TASP1: variants seen among roughly 807,000 people sequenced by gnomAD.
TASP1 encodes threonine aspartase 1.
Under a neutral mutation model 56.6 loss-of-function variants are expected in TASP1, and 16 were observed. The ratio of observed to expected loss-of-function variants is 0.28; its 90% CI spans 0.19 to 0.43. TASP1 has a LOEUF of 0.43. Among genes scored for constraint, TASP1 ranks in the 20% least tolerant of loss-of-function variants. The pLI, the probability that TASP1 is intolerant of heterozygous loss-of-function variation, is 1.00. For missense variants in TASP1, 393 were observed against 511.6 expected, an observed-to-expected ratio of 0.77 and a Z score of 2.24; for synonymous variants, 179 against 184.2, an observed-to-expected ratio of 0.97 and a Z score of 0.23.
intron 11 of TASP1, among the ~76,000 whole-genome samples, chr20:13,449,338 G>T (rs1425003291): frequency 6.6e-6 from 1 of 152,056 alleles, no homozygotes; most frequent in African/African-American, 2.4e-5. Flanking sequence ...AGTTATTGTT[G>T]CTCATTGTGT....
the TASP1 span, among the ~76,000 whole-genome samples, chr20:13,218,016 G>A: frequency 9.2e-5 from 14 of 152,192 alleles, no homozygotes; most frequent in Middle Eastern, 3.4e-3. Context: ...TTGGGAGGCC[G>A]AAGCGGGTGG....
intron 11 of TASP1, among the ~76,000 whole-genome samples, chr20:13,451,498 A>C (rs896593695): frequency 6.6e-6 from 1 of 152,028 alleles, no homozygotes; most frequent in African/African-American, 2.4e-5. Flanking sequence ...CTCCATAAGG[A>C]CTTGTTGCTT....
the TASP1 span, among the ~76,000 whole-genome samples, chr20:13,160,434 TCTAAAATGCTGTTTTAGA>T: frequency 6.6e-6 from 1 of 152,166 alleles, no homozygotes; most frequent in Admixed American, 6.5e-5. Flanking sequence ...CAAAAGCTGG[TCTAAAATGCTGTTTTAGA>T]CTTAATTACA....
chr20:13,635,320 A>G (rs2049263305), intron 1 of TASP1, among the ~76,000 whole-genome samples: 1 of 151,914 alleles, frequency 6.6e-6, no homozygotes, highest in South Asian at 2.1e-4. Flanking sequence ...GCAACACACA[A>G]ATCTACTACC....
chr20:13,473,606 G>A (rs1285855972), intron 11 of TASP1, among the ~76,000 whole-genome samples: 1 of 151,960 alleles, frequency 6.6e-6, no homozygotes, highest in African/African-American at 2.4e-5. Context: ...CCATTCTCTT[G>A]ACTATATTCT....
the TASP1 span, among the ~76,000 whole-genome samples, chr20:13,282,467 G>A: frequency 6.6e-6 from 1 of 152,154 alleles, no homozygotes; most frequent in African/African-American, 2.4e-5. Flanking sequence ...CTGAATTTAT[G>A]AGCATTAAGA....
rs2043808513 is a variant in TASP1 at position 13,498,331 on chromosome 20, T to TGTGTGTG, written c.875-14995_875-14994insCACACAC. On this transcript the variant is annotated intron_variant, in intron 10 of 13. Coordinates refer to ENST00000337743, the MANE Select transcript of TASP1 (RefSeq NM_017714.3). ...ATGAACAAACACTTTTTCTTTTCTTTTGTGTGTGTGTGTGTGTGTGTGTGT... is the reference window on the plus strand; with the variant it reads ...ATGAACAAACACTTTTTCTTTTCTTTGTGTGTGTGTGTGTGTGTGTGTGTGTGTGTGT... Among the ~76,000 whole-genome samples, 980 of 135,108 alleles carry TGTGTGTG rather than the reference T, an allele frequency of 7.3e-3. 7 individuals carry two copies. Among genetic ancestry groups the TGTGTGTG allele is most frequent in the Non-Finnish European group, 0.011 (704 of 64,072 alleles). 88.6% of individuals were successfully genotyped at this position (135,108 alleles called of 152,430 possible). A position where few individuals can be genotyped will look rare whatever the true frequency, so the allele number is the denominator to read the frequency against.
chr20:13,487,822 A>T (rs1052528149), intron 10 of TASP1, among the ~76,000 whole-genome samples: 1 of 152,196 alleles, frequency 6.6e-6, no homozygotes, highest in Non-Finnish European at 1.5e-5. Context: ...CCAAATAGTA[A>T]ATATTTTAGG....
chr20:13,396,897 T>C (rs1476474062), intron 13 of TASP1, among the ~76,000 whole-genome samples: 1 of 152,196 alleles, frequency 6.6e-6, no homozygotes. Flanking sequence ...CACATACAAA[T>C]ATCATGTCTA....
At chr20:13,107,123 G>A in the TASP1 span, among the ~76,000 whole-genome samples, 1 of 152,160 alleles carries the variant, frequency 6.6e-6, no homozygotes, top group Non-Finnish European at 1.5e-5. Context: ...TGCGTTATGG[G>A]TTCCAGACCC....
the TASP1 span, among the ~76,000 whole-genome samples, chr20:13,156,345 C>A: frequency 6.6e-6 from 1 of 152,060 alleles, no homozygotes; most frequent in Non-Finnish European, 1.5e-5. Context: ...GAGAAGAGTC[C>A]GTAAGTAGTG....
intron 5 of TASP1, among the ~76,000 whole-genome samples, chr20:13,586,328 T>G (rs1191251709): frequency 6.6e-6 from 1 of 152,122 alleles, no homozygotes; most frequent in East Asian, 1.9e-4. Context: ...GTATATCCAT[T>G]CAATGAAATA....
intron 11 of TASP1, among the ~76,000 whole-genome samples, chr20:13,471,707 C>T (rs995518765): frequency 6.6e-6 from 1 of 152,124 alleles, no homozygotes; most frequent in Non-Finnish European, 1.5e-5. Context: ...AGCTCCGTTC[C>T]AAGATGGCCA....
rs180941650 is a variant in TASP1 at position 13,472,039 on chromosome 20, T to A, written c.985+11188A>T. Among the ~76,000 whole-genome samples the A allele has an allele frequency of 2.0e-5, 3 of 151,780 alleles. No individual in the cohort carries two copies. The East Asian group carries it at 5.8e-4, about 29-fold the overall frequency. On this transcript the variant is annotated intron_variant, in intron 11 of 13. Coordinates refer to ENST00000337743, the MANE Select transcript of TASP1 (RefSeq NM_017714.3). ...AAAAGAGCCTGCATTGCCAAGACAA[T>A]CCTAAGCAAAAAGAACAAAGCTGGA...
In TASP1 at chr20:13,393,036, C is replaced by A. The variant is rs2041352752; in HGVS notation, c.1171-2584G>T. On this transcript the variant is annotated intron_variant, in intron 13 of 13. Transcript: ENST00000337743. ...AGCAGGGAGCCAAAAGGGTCATCAT[C>A]TCTGCTGCCTCTGCTGAGGCCCCCA... 1.4e-5 allele frequency: 8 copies of A among 583,468 alleles called. No homozygotes were observed. The East Asian group carries it at 3.0e-4, about 22-fold the overall frequency. The allele number at this position is 583,468 out of a possible 1,614,324, so 36.1% of individuals were successfully genotyped here.
At chr20:13,330,065 T>C in the TASP1 span, among the ~76,000 whole-genome samples, 1 of 152,068 alleles carries the variant, frequency 6.6e-6, no homozygotes, top group Admixed American at 6.6e-5. Context: ...CAAGCAATTC[T>C]CCTGCCTCAG....
At chr20:13,488,313 A>G (rs1865350696) in intron 10 of TASP1, among the ~76,000 whole-genome samples, 1 of 152,000 alleles carries the variant, frequency 6.6e-6, no homozygotes, top group Non-Finnish European at 1.5e-5. Flanking sequence ...AAGAAAAGGA[A>G]AAAAATTCAC....
the TASP1 span, chr20:13,164,642 G>A: frequency 1.3e-6 from 1 of 764,834 alleles, no homozygotes; most frequent in African/African-American, 1.8e-5. Context: ...AATCAAAGAA[G>A]CTAGCAAACT....
At chr20:13,238,848 G>T in the TASP1 span, 4 of 152,162 alleles carry the variant, frequency 2.6e-5, no homozygotes, top group Non-Finnish European at 5.9e-5. Flanking sequence ...TAAAGAGTGG[G>T]CAAGTCATCC....
Sources: gnomAD v4.1 joint callset for allele counts (sites outside exome capture counted in the v4.1 genomes callset) on GRCh38, gnomAD v4.1.1 for gene constraint, MANE v1.5 for transcripts, NCBI Gene and HGNC (gene_info 2026-07-23, HGNC 2026-07-21) for gene names.